RELCH: variants seen among roughly 807,000 people sequenced by gnomAD.
RELCH encodes the protein RAB11 binding and LisH domain, coiled-coil and HEAT repeat containing, also known as RAB11-binding protein RELCH.
A neutral mutation model predicts 150.3 loss-of-function variants in RELCH; 41 were observed. The ratio of observed to expected loss-of-function variants is 0.27; its 90% CI spans 0.21 to 0.35. The LOEUF (loss-of-function observed/expected upper bound fraction) is 0.35. RELCH is among the 10% of genes least tolerant of loss of function. RELCH has a pLI of 1.00. For missense variants in RELCH, 1,092 were observed against 1,467.8 expected (o/e 0.74, Z 4.18); for synonymous variants, 478 against 531.8 (o/e 0.90, Z 1.39).
chr18:62,206,713 T>C (rs903307165), intron 1 of RELCH, among the ~76,000 whole-genome samples: 3 of 152,206 alleles, frequency 2.0e-5, no homozygotes, highest in Non-Finnish European at 2.9e-5. Flanking sequence ...TAAAATTTAA[T>C]AGAGAAGCAG....
intron 1 of RELCH, among the ~76,000 whole-genome samples, chr18:62,201,702 A>G (rs1302946878): frequency 6.6e-6 from 1 of 152,232 alleles, no homozygotes; most frequent in Non-Finnish European, 1.5e-5. Context: ...TGCAAATGTA[A>G]GCATATATAA....
Position 62,305,427 on chromosome 18 carries a change from G to A in RELCH, c.3544G>A (p.Ala1182Thr). 6.2e-7 allele frequency: 1 copy of A among 1,602,044 alleles called. No homozygotes were observed. Among genetic ancestry groups the A allele is most frequent in the Non-Finnish European group, 8.5e-7 (1 of 1,174,944 alleles). Residue 1182 changes from alanine to threonine, a missense_variant, in exon 29 of 29, where the codon GCT becomes ACT. Coordinates refer to ENST00000644646, the MANE Select transcript of RELCH (RefSeq NM_001346231.2). The surrounding 1 kb of genome is among the most constrained non-coding windows in gnomAD (Gnocchi z 4.0). ...TTTCTTTCCTAGCTCAATGTCAATT[G>A]CTGCAAGCTTAGTGAGTGAAGATAC... ...VQEPQGSMSIAASLVSEDTKT... is the reference protein window; with the variant it reads ...VQEPQGSMSITASLVSEDTKT...
In RELCH at chr18:62,243,524, G is replaced by A. The variant is rs147189468; in HGVS notation, c.1621-1240G>A. The stretch of plus-strand genomic sequence containing the variant: ...AATGTTTCACATTCTTTTTTTCTCA[G>A]ATATATTCTTAGCTCCTCTTACCTA... On this transcript the variant is annotated intron_variant, in intron 10 of 28. Transcript: ENST00000644646. 2.1e-3 allele frequency among the ~76,000 whole-genome samples: 315 copies of A among 152,128 alleles called. 4 individuals are homozygous for A. The highest frequency in any genetic ancestry group is 7.3e-3 in the African/African-American group (305 of 41,530).
intron 1 of RELCH, among the ~76,000 whole-genome samples, chr18:62,190,601 A>G (rs749361494): frequency 1.4e-4 from 21 of 145,186 alleles, no homozygotes; most frequent in Non-Finnish European, 2.9e-4. Context: ...AAATAAAAGT[A>G]AATAAAATAA....
intron 1 of RELCH, among the ~76,000 whole-genome samples, chr18:62,194,970 A>G (rs2038921076): frequency 6.6e-6 from 1 of 152,190 alleles, no homozygotes; most frequent in Admixed American, 6.5e-5. Flanking sequence ...TGTTGACTTA[A>G]TACTGTAATA....
At position 62,224,583 on chromosome 18, in the gene RELCH, G is replaced by A. The variant is rs566805122; in HGVS notation, c.859-2706G>A. Among the ~76,000 whole-genome samples, 162 of 151,930 alleles carry A rather than the reference G, an allele frequency of 1.1e-3. 1 individual carries two copies. The highest frequency in any genetic ancestry group is 3.6e-3 in the African/African-American group (151 of 41,442). On this transcript the variant is annotated intron_variant, in intron 5 of 28. Coordinates refer to ENST00000644646, the MANE Select transcript of RELCH (RefSeq NM_001346231.2). ...ATTTTAGCAAGGTTGTAGGAAACAA[G>A]GTAAGTATACAAAAACCTATCATAT...
intron 18 of RELCH, among the ~76,000 whole-genome samples, chr18:62,265,739 G>A (rs1228165820): frequency 2.0e-5 from 3 of 151,832 alleles, no homozygotes; most frequent in African/African-American, 4.8e-5. Flanking sequence ...AATTATGTGG[G>A]CTTAGTCTTT....
chr18:62,291,408 G>A, intron 26 of RELCH, 135 bp from the exon 27 acceptor site: 2 of 498,466 alleles, frequency 4.0e-6, no homozygotes, highest in Non-Finnish European at 3.6e-6. Flanking sequence ...CTTGAGGGGA[G>A]CCTGTTTACC....
chr18:62,266,579 C>G (rs972788536), intron 18 of RELCH, 122 bp from the exon 19 acceptor site: 1 of 567,176 alleles, frequency 1.8e-6, no homozygotes, highest in South Asian at 2.6e-5. Flanking sequence ...GACCACTTAA[C>G]TTAGTCATCT....
At chr18:62,207,307 ATTG>A (rs1393722131) in intron 1 of RELCH, among the ~76,000 whole-genome samples, 1 of 152,212 alleles carries the variant, frequency 6.6e-6, no homozygotes, top group Non-Finnish European at 1.5e-5. Flanking sequence ...GAGTTCATCC[ATTG>A]TTGTAGCATG....
At chr18:62,262,033 T>C (rs2043299003) in intron 16 of RELCH, among the ~76,000 whole-genome samples, 2 of 152,110 alleles carry the variant, frequency 1.3e-5, no homozygotes, top group Admixed American at 1.3e-4. Context: ...CTGCTTTCTT[T>C]ATATTTTCTT....
At chr18:62,202,356 G>A (rs1447590964) in intron 1 of RELCH, among the ~76,000 whole-genome samples, 3 of 152,180 alleles carry the variant, frequency 2.0e-5, no homozygotes, top group Non-Finnish European at 4.4e-5. Context: ...CCTGTTACTA[G>A]TCTTAAAATC....
intron 28 of RELCH, among the ~76,000 whole-genome samples, chr18:62,304,870 A>G (rs1048231755): frequency 6.6e-6 from 1 of 152,218 alleles, no homozygotes; most frequent in Non-Finnish European, 1.5e-5. Context: ...CAAAAAAGGA[A>G]TATCCCCCTA....
At chr18:62,194,442 A>G (rs1173313861) in intron 1 of RELCH, among the ~76,000 whole-genome samples, 1 of 152,234 alleles carries the variant, frequency 6.6e-6, no homozygotes, top group African/African-American at 2.4e-5. Context: ...GGCGGCAGGA[A>G]CCGTATTTTA....
intron 25 of RELCH, among the ~76,000 whole-genome samples, chr18:62,282,950 A>G (rs1357454011): frequency 6.6e-6 from 1 of 152,032 alleles, no homozygotes; most frequent in Non-Finnish European, 1.5e-5. Context: ...GAACCACCGC[A>G]CCCGCCCTAG....
At chr18:62,197,941 G>A (rs1352281729) in intron 1 of RELCH, among the ~76,000 whole-genome samples, 1 of 152,178 alleles carries the variant, frequency 6.6e-6, no homozygotes, top group Non-Finnish European at 1.5e-5. Context: ...TTATACCAAT[G>A]TCTGATCTTC....
chr18:62,220,249 A>G (rs1435516469), intron 2 of RELCH, among the ~76,000 whole-genome samples: 1 of 152,060 alleles, frequency 6.6e-6, no homozygotes, highest in African/African-American at 2.4e-5. Context: ...TTAGAAAACT[A>G]TACTTTTAGA....
chr18:62,295,065 T>TC (rs1383033134), intron 27 of RELCH, among the ~76,000 whole-genome samples: 1 of 152,230 alleles, frequency 6.6e-6, no homozygotes, highest in Non-Finnish European at 1.5e-5. Flanking sequence ...CAGCATCCTG[T>TC]CCTTTTTTAG....
At position 62,228,497 on chromosome 18, in the gene RELCH, TA is replaced by T. The variant is rs1568346730; in HGVS notation, c.1350del (p.Glu451ArgfsTer55). 6.2e-7 allele frequency: 1 copy of T among 1,613,206 alleles called. No homozygotes were observed. Among genetic ancestry groups the T allele is most frequent in the Non-Finnish European group, 8.5e-7 (1 of 1,179,552 alleles). ...ISDEADSTIPKENSPNSFPRR... is the reference protein window; with the variant it reads ...ISDEADSTIPXENSPNSFPRR... Reference sequence around the variant, plus strand: ...CAGATGAAGCTGATTCCACTATTCCTAAAGAGAATTCCCCAAATTCATTCCC... The same window carrying T: ...CAGATGAAGCTGATTCCACTATTCCTAAGAGAATTCCCCAAATTCATTCCC... On this transcript the variant is annotated frameshift_variant, in exon 8 of 29. Transcript: ENST00000644646. LOFTEE classifies it high-confidence loss of function.
Sources: allele counts gnomAD v4.1 joint callset (sites outside exome capture counted in the v4.1 genomes callset), GRCh38; gene constraint gnomAD v4.1.1; non-coding constraint Gnocchi (gnomAD v3.1); transcripts MANE v1.5; gene names NCBI Gene and HGNC (gene_info 2026-07-23, HGNC 2026-07-21).